Variants in SPTBN4 observed in about 807,000 individuals in gnomAD.
SPTBN4 encodes the protein spectrin beta, non-erythrocytic 4.
Under a neutral mutation model 277.8 loss-of-function variants are expected in SPTBN4, and 96 were observed. The ratio of observed to expected loss-of-function variants is 0.35; its 90% confidence interval spans 0.29 to 0.41. SPTBN4 has a LOEUF of 0.41. Among genes scored for constraint, SPTBN4 ranks in the 10% least tolerant of loss-of-function variants. The probability of loss-of-function intolerance (pLI) is 1.00; values close to 1 mark genes in which losing one functional copy is unlikely to be tolerated. For synonymous variants in SPTBN4, 1,481 were observed against 1,580.3 expected, an observed-to-expected ratio of 0.94 and a Z score of 1.49; for missense variants, 3,006 against 3,595.7, an observed-to-expected ratio of 0.84 and a Z score of 4.19.
In SPTBN4 at chr19:40,502,171, A is replaced by G. The variant is rs768345939; in HGVS notation, c.941A>G (p.Tyr314Cys). The stretch of plus-strand genomic sequence containing the variant: ...GAGGTGGGGAAGATCATAGAACGCT[A>G]CGAGGAGCTGGCGGCTGAGCTGCTG... ...VLEVGKIIER[Y>C]EELAAELLAW... is the part of the protein sequence containing the mutation. Residue 314 changes from tyrosine (Y) to cysteine (C), a missense_variant, in exon 9 of 36, where the codon TAC (tyrosine) becomes TGC (cysteine). Tyr to Cys is a radical substitution (Grantham distance 194, BLOSUM62 -2). This residue lies in a region of SPTBN4 where 1,759 missense variants were observed against 2,061.5 expected (regional missense o/e 0.85). Coordinates refer to ENST00000598249, the MANE Select transcript of SPTBN4 (RefSeq NM_020971.3). This position sits in a 1 kb window ranked among gnomAD's most constrained non-coding sequence, Gnocchi z 4.9. 6.2e-7 allele frequency: 1 copy of G among 1,614,148 alleles called. No individual in the cohort carries two copies. The highest frequency in any genetic ancestry group is 8.5e-7 in the Non-Finnish European group (1 of 1,180,040).
intron 26 of SPTBN4, among the ~76,000 whole-genome samples, chr19:40,559,177 G>A (rs1232764655): frequency 2.6e-5 from 4 of 151,990 alleles, no homozygotes; most frequent in Admixed American, 6.6e-5. Flanking sequence ...TGATCTGCCC[G>A]CCTTGGCCTC....
In SPTBN4 at chr19:40,534,098, CAGG is replaced by C. The variant is rs1159793939; in HGVS notation, c.4117_4119del (p.Glu1373del). On this transcript the variant is annotated inframe_deletion, in exon 20 of 36. Transcript: ENST00000598249. The stretch of plus-strand genomic sequence containing the variant: ...GGGGCAGGAGGGCCAGCAACTGATG[CAGG>C]AGAAGCCCGAACTGGCGGCCTCCGT... The C allele has an allele frequency of 6.2e-7, 1 of 1,604,880 alleles. No homozygotes were observed. Among genetic ancestry groups the C allele is most frequent in the African/African-American group, 1.3e-5 (1 of 74,754 alleles).
At chr19:40,476,360 A>G (rs190335215) in intron 2 of SPTBN4, among the ~76,000 whole-genome samples, 207 of 151,682 alleles carry the variant, frequency 1.4e-3, no homozygotes, top group African/African-American at 4.7e-3. Context: ...AAAAAAAAAA[A>G]AAAGAGAGAG....
chr19:40,567,583 C>A, intron 30 of SPTBN4, 80 bp from the exon 31 acceptor site: 3 of 1,364,920 alleles, frequency 2.2e-6, no homozygotes, highest in Non-Finnish European at 2.9e-6. Flanking sequence ...GCAGAAAAAC[C>A]CAGGCCGCCT....
Position 40,515,867 on chromosome 19 carries a change from T to TGC in SPTBN4, c.2903+424_2903+425dup, listed in dbSNP as rs149143067. On this transcript the variant is annotated intron_variant, in intron 15 of 35. Coordinates refer to ENST00000598249, the MANE Select transcript of SPTBN4 (RefSeq NM_020971.3). The surrounding 1 kb of genome is among the most constrained non-coding windows in gnomAD (Gnocchi z 4.1). ...GTGAAACCCCGTCTCTCTCTCTACG[T>TGC]GCGCGCACACACACACACACACACA... Among the ~76,000 whole-genome samples the TGC allele has an allele frequency of 4.8e-5, 6 of 124,804 alleles. No homozygotes were observed. Among genetic ancestry groups the TGC allele is most frequent in the East Asian group, 4.2e-4 (2 of 4,714 alleles). The allele number at this position is 124,804 out of a possible 152,430, so 81.9% of individuals were successfully genotyped here. A position where few individuals can be genotyped will look rare whatever the true frequency, so the allele number is the denominator to read the frequency against.
intron 15 of SPTBN4, among the ~76,000 whole-genome samples, chr19:40,517,426 A>G (rs1289751826): frequency 1.3e-5 from 2 of 151,778 alleles, no homozygotes; most frequent in Non-Finnish European, 2.9e-5. Flanking sequence ...CCTCTTGAGT[A>G]GTGGGACTAT....
intron 5 of SPTBN4, among the ~76,000 whole-genome samples, chr19:40,494,189 C>T (rs2080169142): frequency 6.6e-6 from 1 of 152,178 alleles, no homozygotes. Flanking sequence ...TTCTCTGACT[C>T]TCATCCTTCT....
chr19:40,513,289 C>G lies in SPTBN4; in HGVS notation c.2500C>G (p.Arg834Gly). 2 of 1,544,554 alleles carry G rather than the reference C, an allele frequency of 1.3e-6. No homozygotes were observed. ...AHRGPVSGLR[R>G]QLATLGGASG... ...TCGCGGGCCCGTGAGCGGCCTGCGG[C>G]GCCAGCTGGCGACACTCGGGGGTGC... Residue 834 changes from arginine (R) to glycine (G), a missense_variant, in exon 14 of 36, where the codon CGC (arginine) becomes GGC (glycine). Coordinates refer to ENST00000598249, the MANE Select transcript of SPTBN4 (RefSeq NM_020971.3).
intron 12 of SPTBN4, among the ~76,000 whole-genome samples, chr19:40,505,740 AAGG>A: frequency 6.6e-6 from 1 of 151,400 alleles, no homozygotes; most frequent in Non-Finnish European, 1.5e-5. Context: ...GGAAGGAAGG[AAGG>A]AAGGAAGGAA....
Position 40,560,301 on chromosome 19 carries a change from T to A in SPTBN4, c.5813T>A (p.Val1938Asp). 1 of 1,614,090 alleles carries A rather than the reference T, an allele frequency of 6.2e-7. No individual in the cohort carries two copies. The highest frequency in any genetic ancestry group is 1.3e-5 in the African/African-American group (1 of 75,050). ...LSACEDARLH[V>D]SSTADALRFH... is the part of the protein sequence containing the mutation. ...GCCTGTGAGGATGCCCGCCTGCATG[T>A]CAGCTCCACAGCCGACGCCCTGCGC... Residue 1938 changes from valine to aspartate, a missense_variant, in exon 27 of 36, where the codon GTC becomes GAC. Val to Asp is a radical substitution (Grantham distance 152). Around this residue, in one of 5 missense-constraint regions of SPTBN4, gnomAD observed 425 missense variants for 594.7 expected, o/e 0.71. Transcript: ENST00000598249. The surrounding 1 kb of genome is among the most constrained non-coding windows in gnomAD (Gnocchi z 5.2).
At chr19:40,570,381 T>C (rs1302599751) in intron 32 of SPTBN4, 55 bp from the exon 33 acceptor site, 1 of 1,329,646 alleles carries the variant, frequency 7.5e-7, no homozygotes, top group Admixed American at 2.4e-5. Flanking sequence ...CCCAAACAGA[T>C]GACCCCCACA....
rs1433315977 is a variant in SPTBN4, at chr19:40,567,939, G to A, written c.6613G>A (p.Ala2205Thr). The A allele has an allele frequency of 1.3e-6, 2 of 1,515,200 alleles. No homozygotes were observed. Among genetic ancestry groups the A allele is most frequent in the Admixed American group, 2.1e-5 (1 of 46,674 alleles). The allele number at this position is 1,515,200 out of a possible 1,614,324, so 93.9% of individuals were successfully genotyped here. ...GGAGATCCCGGGGAGGGTGGAGCCC[G>A]CGGCCCTGCCGGCCGCACCAGAGGA... ...LPEIPGRVEP[A>T]ALPAAPEDAA... Residue 2205 changes from alanine to threonine, a missense_variant, in exon 31 of 36, where the codon GCG becomes ACG. Ala to Thr is a moderately conservative substitution (Grantham distance 58). Transcript: ENST00000598249.
chr19:40,496,145 A>C lies in SPTBN4; in HGVS notation c.668+1168A>C, dbSNP rs139707225. On this transcript the variant is annotated intron_variant, in intron 6 of 35. Coordinates refer to ENST00000598249, the MANE Select transcript of SPTBN4 (RefSeq NM_020971.3). ...TCCGATCCACCTATGGGCAGGTGCT[A>C]TTTTTATTTATTTATTTATTTTGAG... Among the ~76,000 whole-genome samples, 747 of 152,062 alleles carry C rather than the reference A, an allele frequency of 4.9e-3. 9 individuals carry two copies. Among genetic ancestry groups the C allele is most frequent in the African/African-American group, 0.017 (720 of 41,490 alleles).
chr19:40,568,401 G>T (rs2081118797), intron 31 of SPTBN4, 119 bp downstream of exon 31: 3 of 1,360,744 alleles, frequency 2.2e-6, no homozygotes, highest in South Asian at 3.1e-5. Flanking sequence ...AGGAGATATC[G>T]CCGCGGTACC....
chr19:40,506,979 G>C (rs1174282143), intron 13 of SPTBN4, among the ~76,000 whole-genome samples: 1 of 151,414 alleles, frequency 6.6e-6, no homozygotes, highest in Admixed American at 6.6e-5. Context: ...GTGAGATCTT[G>C]TCTCTTAAAA....
At chr19:40,546,759 T>C (rs1287824652) in intron 20 of SPTBN4, among the ~76,000 whole-genome samples, 1 of 152,158 alleles carries the variant, frequency 6.6e-6, no homozygotes, top group African/African-American at 2.4e-5. Flanking sequence ...AGAGGATCCC[T>C]TGAGCCCAGG....
At chr19:40,498,329 C>T (rs574542717) in intron 7 of SPTBN4, among the ~76,000 whole-genome samples, 1 of 152,164 alleles carries the variant, frequency 6.6e-6, no homozygotes, top group East Asian at 1.9e-4. Flanking sequence ...TTCATCTTCA[C>T]ACTGACCTGG....
At position 40,560,084 on chromosome 19, in the gene SPTBN4, T is replaced by C; in HGVS notation, c.5671-75T>C. 1.3e-6 allele frequency: 2 copies of C among 1,489,516 alleles called. No homozygotes were observed. Among genetic ancestry groups the C allele is most frequent in the South Asian group, 1.3e-5 (1 of 75,088 alleles). The allele number at this position is 1,489,516 out of a possible 1,614,324, so 92.3% of individuals were successfully genotyped here. ...CTCCTTATATCTTGAGGTTCTGCGC[T>C]GGAGCAGATGGTGGGAGGGAGGGCA... is the stretch of plus-strand genomic sequence containing the variant. On this transcript the variant is annotated intron_variant, in intron 26 of 35. Transcript: ENST00000598249. The surrounding 1 kb of genome is among the most constrained non-coding windows in gnomAD (Gnocchi z 5.2).
intron 2 of SPTBN4, among the ~76,000 whole-genome samples, chr19:40,481,303 GC>G (rs1484144244): frequency 3.9e-5 from 6 of 152,084 alleles, no homozygotes; most frequent in African/African-American, 1.4e-4. Context: ...CAGTCCTCCT[GC>G]CTTGGCTGCC....
Sources: allele counts gnomAD v4.1 joint callset (sites outside exome capture counted in the v4.1 genomes callset), GRCh38; gene constraint gnomAD v4.1.1; regional missense constraint gnomAD v4.1.1; non-coding constraint Gnocchi (gnomAD v3.1); transcripts MANE v1.5; gene names NCBI Gene and HGNC (gene_info 2026-07-23, HGNC 2026-07-21).